RNF170: variants seen among roughly 807,000 people sequenced by gnomAD.
RNF170 encodes E3 ubiquitin-protein ligase RNF170.
In RNF170, 12 loss-of-function variants were observed where a neutral mutation model predicts 32.7. That is an observed-to-expected ratio of 0.37 (90% CI 0.24 to 0.60). The LOEUF is 0.60. Ranked by LOEUF, RNF170 falls within the 20% of genes least tolerant of loss-of-function variation. RNF170 has a pLI of 0.72. For synonymous variants in RNF170, 91 were observed against 103.6 expected (o/e 0.88, Z 0.74); for missense variants, 212 against 311.2 (o/e 0.68, Z 2.40).
intron 1 of RNF170, among the ~76,000 whole-genome samples, chr8:42,891,729 C>A (rs539336902): frequency 6.6e-6 from 1 of 152,094 alleles, no homozygotes; most frequent in African/African-American, 2.4e-5. Context: ...CGATTTTGAC[C>A]TTTTAAATTA....
intron 2 of RNF170, among the ~76,000 whole-genome samples, chr8:42,875,516 A>C (rs1413836960): frequency 6.6e-6 from 1 of 152,260 alleles, no homozygotes; most frequent in South Asian, 2.1e-4. Context: ...AGAAGACATA[A>C]AAGCAATTTA....
chr8:42,869,359 G>A (rs190507129), intron 4 of RNF170, among the ~76,000 whole-genome samples: 5 of 152,218 alleles, frequency 3.3e-5, no homozygotes, highest in Non-Finnish European at 7.4e-5. Flanking sequence ...AGATTTTCCT[G>A]AATCTGCAGA....
intron 2 of RNF170, 67 bp from the exon 3 acceptor site, chr8:42,874,073 G>T: frequency 1.1e-6 from 1 of 943,654 alleles, no homozygotes; most frequent in Non-Finnish European, 1.7e-6. Context: ...TTCTTCATGG[G>T]TCTACTTTCT....
intron 5 of RNF170, among the ~76,000 whole-genome samples, chr8:42,862,057 T>C (rs1224648759): frequency 6.6e-6 from 1 of 152,192 alleles, no homozygotes; most frequent in African/African-American, 2.4e-5. Flanking sequence ...TCCTATAAAA[T>C]AGACACCATA....
intron 3 of RNF170, 36 bp downstream of exon 3, chr8:42,873,895 T>A: frequency 2.6e-6 from 3 of 1,137,118 alleles, no homozygotes; most frequent in Non-Finnish European, 4.0e-6. Context: ...AAGGGAGCTA[T>A]CACATCTACT....
downstream of RNF170, chr8:42,853,217 G>T: frequency 2.0e-6 from 1 of 499,962 alleles, no homozygotes; most frequent in Non-Finnish European, 3.0e-6. Context: ...TGATAAAGCC[G>T]TTGCAACCAT....
In RNF170 at chr8:42,854,185, C is replaced by CT. The variant is rs1410256510; in HGVS notation, c.*1973dup. ...TCGGATTCATGTCATCTCCACAGAC[C>CT]TTTCCTCTTAGGAGTGCCTAAGCTG... On this transcript the variant is annotated 3_prime_UTR_variant, in exon 7 of 7. Coordinates refer to ENST00000527424, the MANE Select transcript of RNF170 (RefSeq NM_030954.4). 7.8e-7 allele frequency: 1 copy of CT among 1,287,030 alleles called. No individual in the cohort carries two copies. Among genetic ancestry groups the CT allele is most frequent in the Admixed American group, 2.3e-5 (1 of 43,538 alleles). The allele number at this position is 1,287,030 out of a possible 1,614,324, so 79.7% of individuals were successfully genotyped here.
At chr8:42,877,079 G>A (rs1407462215) in intron 2 of RNF170, among the ~76,000 whole-genome samples, 5 of 142,382 alleles carry the variant, frequency 3.5e-5, no homozygotes, top group South Asian at 2.2e-4. Flanking sequence ...TCAGCCTCCC[G>A]AGTAGCCCGG....
At position 42,895,168 on chromosome 8, in the gene RNF170, A is replaced by G. The variant is rs1000473445; in HGVS notation, c.-8+1316T>C. Among the ~76,000 whole-genome samples the G allele has an allele frequency of 2.6e-5, 4 of 152,192 alleles. No homozygotes were observed. The South Asian group carries it at 8.3e-4, about 32-fold the overall frequency. ...CCTCTCTACAAAAAATAAGAAAATT[A>G]GCTGAGCATCGTGGCCTGCACCTGT... On this transcript the variant is annotated intron_variant, in intron 1 of 6. Transcript: ENST00000527424.
chr8:42,895,770 A>G (rs1317767512), intron 1 of RNF170, among the ~76,000 whole-genome samples: 1 of 152,234 alleles, frequency 6.6e-6, no homozygotes, highest in Non-Finnish European at 1.5e-5. Context: ...ATCCACCCGC[A>G]AAAGTTCAAA....
Position 42,854,144 on chromosome 8 carries a change from T to A in RNF170, c.*2015A>T, listed in dbSNP as rs2128921310. On this transcript the variant is annotated 3_prime_UTR_variant, in exon 7 of 7. Transcript: ENST00000527424. ...GTATGCCACCCTTTTACCTATTTGA[T>A]TTGGAAGTGTAGAATTCGGATTCAT... The A allele has an allele frequency of 1.8e-5, 23 of 1,287,246 alleles. No individual in the cohort carries two copies. Among genetic ancestry groups the A allele is most frequent in the Non-Finnish European group, 2.0e-5 (20 of 988,702 alleles). 79.7% of individuals were successfully genotyped at this position (1,287,246 alleles called of 1,614,324 possible).
At chr8:42,880,487 G>T (rs1338704566) in intron 2 of RNF170, among the ~76,000 whole-genome samples, 1 of 152,076 alleles carries the variant, frequency 6.6e-6, no homozygotes, top group Non-Finnish European at 1.5e-5. Context: ...TTAAGAAATT[G>T]CCAGCCAGGC....
chr8:42,887,075 C>T (rs1347152270), intron 2 of RNF170, among the ~76,000 whole-genome samples: 1 of 151,896 alleles, frequency 6.6e-6, no homozygotes, highest in Non-Finnish European at 1.5e-5. Flanking sequence ...GGTGGATCAC[C>T]TCAGGTCAGG....
downstream of RNF170, among the ~76,000 whole-genome samples, chr8:42,851,478 T>A (rs1297465352): frequency 6.7e-6 from 1 of 149,712 alleles, no homozygotes; most frequent in Non-Finnish European, 1.5e-5. Flanking sequence ...GGCAGGAGAA[T>A]CGCTTGAGCC....
intron 2 of RNF170, among the ~76,000 whole-genome samples, chr8:42,875,163 C>T (rs377202572): frequency 1.2e-3 from 177 of 146,788 alleles, no homozygotes; most frequent in African/African-American, 4.4e-3. Flanking sequence ...AAGAGCAAAA[C>T]CGTCTTAAAA....
At chr8:42,873,668 A>C (rs1229963558) in intron 3 of RNF170, among the ~76,000 whole-genome samples, 1 of 152,222 alleles carries the variant, frequency 6.6e-6, no homozygotes, top group Admixed American at 6.5e-5. Context: ...TTAGACAGCA[A>C]TTATTTCTAC....
chr8:42,865,875 C>T lies in RNF170; in HGVS notation c.323-386G>A, dbSNP rs531937362. ...TGGCACACGCCTGTAATCCCAGCTA[C>T]TTGGGAGGCTGAGGCAGGAAAATCA... On this transcript the variant is annotated intron_variant, in intron 4 of 6. Transcript: ENST00000527424. 6.9e-4 allele frequency among the ~76,000 whole-genome samples: 105 copies of T among 152,016 alleles called. 1 individual carries two copies. Among genetic ancestry groups the T allele is most frequent in the Non-Finnish European group, 2.4e-4 (16 of 67,952 alleles).
At chr8:42,858,580 A>T (rs571553877) in intron 6 of RNF170, among the ~76,000 whole-genome samples, 1 of 152,218 alleles carries the variant, frequency 6.6e-6, no homozygotes, top group Admixed American at 6.5e-5. Flanking sequence ...AGTGCTGTCT[A>T]TGATAAACGC....
chr8:42,871,250 T>C (rs1804505538), intron 3 of RNF170, among the ~76,000 whole-genome samples: 1 of 152,156 alleles, frequency 6.6e-6, no homozygotes, highest in African/African-American at 2.4e-5. Context: ...TGTTATTGTA[T>C]TGTAAAACTT....
Sources: gnomAD v4.1 joint callset for allele counts (sites outside exome capture counted in the v4.1 genomes callset) on GRCh38, gnomAD v4.1.1 for gene constraint, MANE v1.5 for transcripts, NCBI Gene and HGNC (gene_info 2026-07-23, HGNC 2026-07-21) for gene names.